CCSER1: variants seen among roughly 807,000 people sequenced by gnomAD.
CCSER1 encodes serine-rich coiled-coil domain-containing protein 1.
Under a neutral mutation model 82.0 loss-of-function variants are expected in CCSER1, and 41 were observed. The ratio of observed to expected loss-of-function variants is 0.50; its 90% confidence interval spans 0.39 to 0.65. The LOEUF is 0.65. Among genes scored for constraint, CCSER1 ranks in the 30% least tolerant of loss-of-function variants. The probability of loss-of-function intolerance (pLI) is 0.00; values close to 1 mark genes in which losing one functional copy is unlikely to be tolerated. For synonymous variants in CCSER1, 414 were observed against 383.9 expected, an observed-to-expected ratio of 1.08 and a Z score of -0.92; for missense variants, 1,119 against 1,064.2, an observed-to-expected ratio of 1.05 and a Z score of -0.72.
At chr4:90,850,741 C>G (rs1419219056) in intron 8 of CCSER1, among the ~76,000 whole-genome samples, 1 of 152,158 alleles carries the variant, frequency 6.6e-6, no homozygotes, top group East Asian at 1.9e-4. Context: ...AAAGGACTTG[C>G]CTTATCTCAA....
At chr4:90,785,209 G>T (rs1478817102) in intron 7 of CCSER1, among the ~76,000 whole-genome samples, 1 of 151,992 alleles carries the variant, frequency 6.6e-6, no homozygotes, top group Non-Finnish European at 1.5e-5. Context: ...GCTAATTTTT[G>T]TATTTTTTTA....
chr4:90,699,620 C>G (rs1415946899), intron 6 of CCSER1, among the ~76,000 whole-genome samples: 1 of 152,154 alleles, frequency 6.6e-6, no homozygotes, highest in Non-Finnish European at 1.5e-5. Context: ...TTTTGTACCA[C>G]TTTGGTAGGC....
At chr4:91,534,802 A>G (rs1477546676) in intron 10 of CCSER1, among the ~76,000 whole-genome samples, 1 of 151,888 alleles carries the variant, frequency 6.6e-6, no homozygotes, top group Non-Finnish European at 1.5e-5. Context: ...TGGACATTTT[A>G]TAGTAAAAGT....
At chr4:91,412,189 C>T (rs1753094709) in intron 10 of CCSER1, among the ~76,000 whole-genome samples, 1 of 152,126 alleles carries the variant, frequency 6.6e-6, no homozygotes, top group African/African-American at 2.4e-5. Context: ...ACTCCAGAGC[C>T]TATCCCCCTG....
At chr4:91,450,640 T>A (rs984848337) in intron 10 of CCSER1, among the ~76,000 whole-genome samples, 1 of 151,984 alleles carries the variant, frequency 6.6e-6, no homozygotes, top group Non-Finnish European at 1.5e-5. Flanking sequence ...TCTCCTTCAT[T>A]GAGGAGACAG....
At chr4:90,841,444 G>A (rs867998633) in intron 8 of CCSER1, among the ~76,000 whole-genome samples, 6 of 151,880 alleles carry the variant, frequency 4.0e-5, no homozygotes, top group Non-Finnish European at 8.8e-5. Context: ...CGGGCGTGGT[G>A]GCAGATGCCT....
At chr4:90,552,975 A>ATTT (rs745450293) in intron 5 of CCSER1, among the ~76,000 whole-genome samples, 94 of 143,704 alleles carry the variant, frequency 6.5e-4, no homozygotes, top group South Asian at 2.2e-3. Context: ...TAAATTAACC[A>ATTT]TTTTTTTTTT....
intron 10 of CCSER1, among the ~76,000 whole-genome samples, chr4:91,304,816 A>G (rs748347472): frequency 2.0e-5 from 3 of 152,068 alleles, no homozygotes; most frequent in Non-Finnish European, 4.4e-5. Context: ...TATGCCTTCT[A>G]AGTGATTAGG....
intron 4 of CCSER1, among the ~76,000 whole-genome samples, chr4:90,446,362 G>A (rs1760653712): frequency 6.6e-6 from 1 of 152,104 alleles, no homozygotes; most frequent in African/African-American, 2.4e-5. Context: ...TCATCATTTT[G>A]CAAAGTGAAG....
intron 10 of CCSER1, among the ~76,000 whole-genome samples, chr4:91,287,974 G>A (rs552239780): frequency 1.7e-5 from 2 of 119,856 alleles, no homozygotes; most frequent in African/African-American, 3.1e-5. Context: ...GTTATGCTCT[G>A]TTCTGGTAAA....
intron 7 of CCSER1, among the ~76,000 whole-genome samples, chr4:90,747,009 C>A (rs1010629555): frequency 6.6e-6 from 1 of 151,912 alleles, no homozygotes; most frequent in African/African-American, 2.4e-5. Context: ...TCTGACTATC[C>A]ATTTGCTTGA....
intron 10 of CCSER1, chr4:91,130,044 AT>A (rs1488056221): frequency 6.6e-6 from 1 of 151,960 alleles, no homozygotes; most frequent in Non-Finnish European, 1.5e-5. Context: ...TTAGGTATAC[AT>A]TTTAATATAC....
At chr4:90,509,667 G>A (rs78352192) in intron 5 of CCSER1, among the ~76,000 whole-genome samples, 2,309 of 152,098 alleles carry the variant, frequency 0.015, 38 homozygotes, top group African/African-American at 0.045. Flanking sequence ...GTGCTTGAAC[G>A]TTATTATCAC....
At chr4:91,526,815 ACTC>A (rs1184554916) in intron 10 of CCSER1, among the ~76,000 whole-genome samples, 1 of 151,796 alleles carries the variant, frequency 6.6e-6, no homozygotes, top group Non-Finnish European at 1.5e-5. Context: ...GTGATCTCGA[ACTC>A]CTGATGTCAG....
chr4:91,440,572 C>G (rs12651488), intron 10 of CCSER1, among the ~76,000 whole-genome samples: 123,219 of 152,060 alleles, frequency 0.81, 50,170 homozygotes, highest in East Asian at 0.92. Context: ...AGAGAAGCAA[C>G]AGCAAACACA....
At chr4:91,157,676 G>C (rs981518035) in intron 10 of CCSER1, among the ~76,000 whole-genome samples, 1 of 151,944 alleles carries the variant, frequency 6.6e-6, no homozygotes. Context: ...TACTTGGCTG[G>C]ATCTTGTCTT....
At chr4:90,171,361 A>G (rs1560737564) in intron 1 of CCSER1, among the ~76,000 whole-genome samples, 1 of 151,816 alleles carries the variant, frequency 6.6e-6, no homozygotes, top group Admixed American at 6.6e-5. Flanking sequence ...TATTGTGCCA[A>G]ACTGCCCACA....
intron 3 of CCSER1, among the ~76,000 whole-genome samples, chr4:90,397,211 C>A (rs544750608): frequency 1.3e-5 from 2 of 152,154 alleles, no homozygotes; most frequent in East Asian, 3.9e-4. Flanking sequence ...AGACCAGTGG[C>A]AAATGGAACC....
chr4:91,031,568 C>T (rs1185643704), intron 9 of CCSER1, among the ~76,000 whole-genome samples: 3 of 152,096 alleles, frequency 2.0e-5, no homozygotes, highest in Non-Finnish European at 2.9e-5. Context: ...ATATAAAAAT[C>T]GTCTAAGTTT....
Sources: gnomAD v4.1 joint callset for allele counts (sites outside exome capture counted in the v4.1 genomes callset) on GRCh38, gnomAD v4.1.1 for gene constraint, MANE v1.5 for transcripts, NCBI Gene and HGNC (gene_info 2026-07-23, HGNC 2026-07-21) for gene names.